SAMSN1: variants seen among roughly 807,000 people sequenced by gnomAD.
The protein encoded by SAMSN1 is SAM domain, SH3 domain and nuclear localization signals 1, also known as SAM domain-containing protein SAMSN-1.
In SAMSN1, 31 loss-of-function variants were observed where a neutral mutation model predicts 42.0. The observed-to-expected ratio is 0.74, with a 90% CI of 0.55 to 1.00. SAMSN1 has a LOEUF of 1.00. Among genes scored for constraint, SAMSN1 ranks in the 50% least tolerant of loss-of-function variants. The pLI, the probability that SAMSN1 is intolerant of heterozygous loss-of-function variation, is 0.00. For missense variants in SAMSN1, 464 were observed against 439.4 expected (o/e 1.06, Z -0.50); for synonymous variants, 178 against 151.9 (o/e 1.17, Z -1.26).
intron 7 of SAMSN1, among the ~76,000 whole-genome samples, chr21:14,490,064 T>A (rs1423921362): frequency 6.6e-6 from 1 of 152,126 alleles, no homozygotes; most frequent in Non-Finnish European, 1.5e-5. Flanking sequence ...AAATGAAAAC[T>A]AATTTTTGCT....
At chr21:14,580,961 G>T (rs1046309349) in intron 2 of SAMSN1, among the ~76,000 whole-genome samples, 1 of 152,030 alleles carries the variant, frequency 6.6e-6, no homozygotes. Context: ...TGAAAAAAAA[G>T]TACCACTCTT....
intron 2 of SAMSN1, among the ~76,000 whole-genome samples, chr21:14,627,220 T>C (rs902312344): frequency 6.6e-6 from 1 of 151,752 alleles, no homozygotes; most frequent in African/African-American, 2.4e-5. Context: ...GGCACATGTA[T>C]ACATATGTAA....
intron 2 of SAMSN1, among the ~76,000 whole-genome samples, chr21:14,628,996 T>G (rs1983252977): frequency 6.6e-6 from 1 of 152,138 alleles, no homozygotes; most frequent in African/African-American, 2.4e-5. Flanking sequence ...AACTAGTAAG[T>G]GATAAAACTA....
At chr21:14,615,721 G>A (rs1332535978) in intron 3 of SAMSN1, among the ~76,000 whole-genome samples, 1 of 151,998 alleles carries the variant, frequency 6.6e-6, no homozygotes, top group African/African-American at 2.4e-5. Context: ...TCTAGGCCTG[G>A]TTTAGACACA....
chr21:14,521,922 G>C (rs1978514921), intron 1 of SAMSN1, among the ~76,000 whole-genome samples: 2 of 150,036 alleles, frequency 1.3e-5, no homozygotes, highest in Non-Finnish European at 3.0e-5. Flanking sequence ...AAGAACATAA[G>C]TGCATTTTCT....
chr21:14,544,053 AT>A lies in SAMSN1; in HGVS notation c.57+2151del, dbSNP rs577351132. On this transcript the variant is annotated intron_variant, in intron 1 of 7. Transcript: ENST00000400566. The stretch of plus-strand genomic sequence containing the variant: ...ATTATCACAGCATCCACCTCTGCCA[AT>A]TTTTTTTCTTTTTGAGAAAGGGTCT... Among the ~76,000 whole-genome samples, 32 of 151,910 alleles carry A rather than the reference AT, an allele frequency of 2.1e-4. No homozygotes were observed. The East Asian group carries it at 4.3e-3, about 20-fold the overall frequency.
intron 3 of SAMSN1, among the ~76,000 whole-genome samples, chr21:14,516,512 C>T (rs1262990989): frequency 6.6e-6 from 1 of 152,218 alleles, no homozygotes; most frequent in Non-Finnish European, 1.5e-5. Flanking sequence ...CTTCCTCAGC[C>T]TCCTGAGTAG....
At chr21:14,591,776 A>C (rs1982094020) in intron 7 of SAMSN1, among the ~76,000 whole-genome samples, 1 of 152,130 alleles carries the variant, frequency 6.6e-6, no homozygotes, top group African/African-American at 2.4e-5. Flanking sequence ...AAAAACACTA[A>C]AACCCTTTCA....
At chr21:14,602,225 A>T (rs1600957185) in intron 5 of SAMSN1, 1 of 342,804 alleles carries the variant, frequency 2.9e-6, no homozygotes, top group East Asian at 4.1e-5. Flanking sequence ...CGTCAAAAAT[A>T]TTTTTTTTTG....
intron 2 of SAMSN1, among the ~76,000 whole-genome samples, chr21:14,568,372 T>A (rs1337670010): frequency 2.6e-5 from 4 of 152,140 alleles, no homozygotes; most frequent in Non-Finnish European, 4.4e-5. Context: ...GACAGCCAAG[T>A]GTGGAAAGGC....
At chr21:14,491,268 C>CTT (rs112877047) in intron 7 of SAMSN1, among the ~76,000 whole-genome samples, 22 of 144,942 alleles carry the variant, frequency 1.5e-4, no homozygotes, top group African/African-American at 5.3e-4. Context: ...CTGGCTTTCC[C>CTT]TTTTTTTTTT....
At chr21:14,593,065 A>G (rs976887955) in intron 7 of SAMSN1, among the ~76,000 whole-genome samples, 1 of 152,132 alleles carries the variant, frequency 6.6e-6, no homozygotes, top group Non-Finnish European at 1.5e-5. Context: ...TCTTCCTCCT[A>G]CCTAGCACAA....
chr21:14,565,791 C>T (rs959832272), intron 2 of SAMSN1, among the ~76,000 whole-genome samples: 8 of 152,130 alleles, frequency 5.3e-5, no homozygotes, highest in African/African-American at 1.9e-4. Context: ...AACTTCTCAA[C>T]ATCACAATGA....
At chr21:14,547,121 G>A (rs574735821), upstream of SAMSN1, among the ~76,000 whole-genome samples, 50 of 152,284 alleles carry the variant, frequency 3.3e-4, no homozygotes, top group Middle Eastern at 0.014. Flanking sequence ...ATATGGATTA[G>A]ACCCATTCTA....
intron 2 of SAMSN1, among the ~76,000 whole-genome samples, chr21:14,576,701 TC>T (rs1397448503): frequency 2.6e-5 from 4 of 152,150 alleles, no homozygotes; most frequent in African/African-American, 4.8e-5. Flanking sequence ...CATACAAGAT[TC>T]CAAAAAAAGT....
chr21:14,521,153 A>G lies in SAMSN1; in HGVS notation c.126T>C (p.Thr42=), dbSNP rs1419576364. The G allele has an allele frequency of 6.3e-7, 1 of 1,597,940 alleles. No homozygotes were observed. The highest frequency in any genetic ancestry group is 1.3e-5 in the African/African-American group (1 of 74,592). ...NNSLSKPDDS[T]EAHEGDPTNG... The stretch of plus-strand genomic sequence containing the variant: ...AAAAATGGAATAAACTACGAACCTC[A>G]GTTGAATCATCTGGTTTTGATAAAG... The change falls in exon 2 of 8, where the codon ACT becomes ACC. Residue 42 remains threonine (T), a synonymous_variant. Transcript: ENST00000400566.
At chr21:14,655,610 A>G (rs1983902609) in intron 1 of SAMSN1, among the ~76,000 whole-genome samples, 3 of 151,778 alleles carry the variant, frequency 2.0e-5, no homozygotes, top group Non-Finnish European at 1.5e-5. Flanking sequence ...AAGTTTACCC[A>G]CGTCAAAATC....
At chr21:14,578,233 T>C (rs934213891) in intron 2 of SAMSN1, among the ~76,000 whole-genome samples, 1 of 152,090 alleles carries the variant, frequency 6.6e-6, no homozygotes. Flanking sequence ...TGAAACCACC[T>C]TACAGAGTTG....
At chr21:14,602,326 G>T (rs1982458892) in intron 5 of SAMSN1, among the ~76,000 whole-genome samples, 2 of 151,934 alleles carry the variant, frequency 1.3e-5, no homozygotes, top group African/African-American at 2.4e-5. Context: ...CTGACCATCT[G>T]TGTCCCTGAG....
Sources: allele counts gnomAD v4.1 joint callset (sites outside exome capture counted in the v4.1 genomes callset), GRCh38; gene constraint gnomAD v4.1.1; transcripts MANE v1.5; gene names NCBI Gene and HGNC (gene_info 2026-07-23, HGNC 2026-07-21).